MAP4K5: variants seen among roughly 807,000 people sequenced by gnomAD.
The protein encoded by MAP4K5 is mitogen-activated protein kinase kinase kinase kinase 5.
Under a neutral mutation model 135.6 loss-of-function variants are expected in MAP4K5, and 82 were observed. That is an observed-to-expected ratio of 0.60 (90% confidence interval 0.51 to 0.73). The LOEUF (loss-of-function observed/expected upper bound fraction) is 0.73, where lower values mean the gene tolerates loss of function less well. Among genes scored for constraint, MAP4K5 ranks in the 30% least tolerant of loss-of-function variants. The pLI is 0.00. For missense variants in MAP4K5, 907 were observed against 1,010.9 expected (o/e 0.90, Z 1.39); for synonymous variants, 347 against 335.0 (o/e 1.04, Z -0.39).
In MAP4K5 at chr14:50,526,052, T is replaced by G. The variant is rs371109540; in HGVS notation, c.108+5890A>C. Among the ~76,000 whole-genome samples the G allele has an allele frequency of 6.6e-5, 10 of 152,320 alleles. No individual in the cohort carries two copies. In the East Asian group the frequency reaches 7.7e-4, roughly 12 times the overall value. On this transcript the variant is annotated intron_variant, in intron 2 of 32. Coordinates refer to ENST00000682126, the MANE Select transcript of MAP4K5 (RefSeq NM_006575.6). ...ATCTCTCAAAACTCATCACGGCTTC[T>G]CAAGCCTCCAGGTGTTTGCACATAC...
rs1003686880 is a variant in MAP4K5 at position 50,418,559 on chromosome 14, A to T, written c.*1460T>A. 3 of 152,670 alleles carry T rather than the reference A, an allele frequency of 2.0e-5. No homozygotes were observed. The highest frequency in any genetic ancestry group is 2.9e-5 in the Non-Finnish European group (2 of 68,042). 9.5% of individuals were successfully genotyped at this position (152,670 alleles called of 1,614,324 possible). A position where few individuals can be genotyped will look rare whatever the true frequency, so the allele number is the denominator to read the frequency against. The stretch of plus-strand genomic sequence containing the variant: ...ACATTTTATTGTTTGCGTATTGCAT[A>T]GTGAAAAGAACAGAGTCAGAAGACT... On this transcript the variant is annotated 3_prime_UTR_variant, in exon 33 of 33. Coordinates refer to ENST00000682126, the MANE Select transcript of MAP4K5 (RefSeq NM_006575.6).
chr14:50,518,407 C>T (rs2038078154), intron 2 of MAP4K5, among the ~76,000 whole-genome samples: 1 of 152,182 alleles, frequency 6.6e-6, no homozygotes, highest in Non-Finnish European at 1.5e-5. Flanking sequence ...CCCCCACCAC[C>T]AACAAGCCCT....
chr14:50,508,700 G>T (rs1243428160), intron 2 of MAP4K5, among the ~76,000 whole-genome samples: 1 of 151,222 alleles, frequency 6.6e-6, no homozygotes, highest in Non-Finnish European at 1.5e-5. Context: ...ATGTACCCTA[G>T]AACTTAAAGT....
chr14:50,538,513 G>T (rs1487345371), intron 2 of MAP4K5, among the ~76,000 whole-genome samples: 1 of 152,170 alleles, frequency 6.6e-6, no homozygotes, highest in Non-Finnish European at 1.5e-5. Flanking sequence ...GCTAAGAAAA[G>T]ATAGCAGATT....
chr14:50,472,427 T>C (rs1185526604), intron 9 of MAP4K5: 3 of 152,118 alleles, frequency 2.0e-5, no homozygotes, highest in Non-Finnish European at 2.9e-5. Flanking sequence ...ATATGAGAAA[T>C]GTTGTAAAGT....
intron 11 of MAP4K5, 63 bp downstream of exon 11, chr14:50,466,520 G>C: frequency 1.3e-6 from 1 of 788,562 alleles, no homozygotes; most frequent in Non-Finnish European, 2.1e-6. Context: ...GCAAAATATG[G>C]GAACTGAATC....
At chr14:50,421,359 A>G (rs1332977342) in intron 32 of MAP4K5, among the ~76,000 whole-genome samples, 2 of 151,950 alleles carry the variant, frequency 1.3e-5, no homozygotes, top group Non-Finnish European at 2.9e-5. Context: ...CCTGGGTTCA[A>G]GTGATTCTCC....
intron 31 of MAP4K5, among the ~76,000 whole-genome samples, chr14:50,423,423 T>G (rs2035776735): frequency 6.6e-6 from 1 of 151,520 alleles, no homozygotes; most frequent in Non-Finnish European, 1.5e-5. Flanking sequence ...ATTATAATTC[T>G]CATATCATTG....
At chr14:50,449,088 A>G (rs2036425815) in intron 14 of MAP4K5, 1 of 371,294 alleles carries the variant, frequency 2.7e-6, no homozygotes, top group Non-Finnish European at 4.7e-6. Context: ...TTTTGTATAA[A>G]AGAGATTTTT....
At chr14:50,488,293 C>T (rs2037411788) in intron 3 of MAP4K5, among the ~76,000 whole-genome samples, 1 of 152,148 alleles carries the variant, frequency 6.6e-6, no homozygotes, top group African/African-American at 2.4e-5. Context: ...GAAACCACCT[C>T]CATGATCCAA....
intron 2 of MAP4K5, among the ~76,000 whole-genome samples, chr14:50,509,098 T>C (rs926795710): frequency 6.6e-5 from 10 of 152,086 alleles, no homozygotes; most frequent in Non-Finnish European, 1.3e-4. Context: ...CAGATGAAGC[T>C]GGAAACCATC....
intron 9 of MAP4K5, among the ~76,000 whole-genome samples, chr14:50,469,663 G>T (rs922324571): frequency 6.6e-6 from 1 of 152,164 alleles, no homozygotes; most frequent in African/African-American, 2.4e-5. Flanking sequence ...TAGATCTGAG[G>T]AGGAAATGCT....
At chr14:50,496,933 T>C (rs550137843) in intron 3 of MAP4K5, among the ~76,000 whole-genome samples, 1 of 152,308 alleles carries the variant, frequency 6.6e-6, no homozygotes, top group Non-Finnish European at 1.5e-5. Context: ...ATGTAAAAAT[T>C]AGATCTCTTA....
chr14:50,495,550 A>C (rs967479981), intron 3 of MAP4K5, among the ~76,000 whole-genome samples: 1 of 152,222 alleles, frequency 6.6e-6, no homozygotes, highest in African/African-American at 2.4e-5. Flanking sequence ...TGACCAATTC[A>C]TGCTTTTAGG....
intron 32 of MAP4K5, among the ~76,000 whole-genome samples, chr14:50,422,528 TTATTAGC>T (rs2035756478): frequency 6.6e-6 from 1 of 152,024 alleles, no homozygotes; most frequent in Non-Finnish European, 1.5e-5. Flanking sequence ...AATGGGTATT[TTATTAGC>T]TATAGAAGTA....
Position 50,435,361 on chromosome 14 carries a change from G to A in MAP4K5, c.1883-296C>T, listed in dbSNP as rs184312852. ...TTTTTTCCCTTCCTCACTCCCTCCC[G>A]TCCTCCTTCTTTCTTTTTAAAGAGA... On this transcript the variant is annotated intron_variant, in intron 26 of 32. Transcript: ENST00000682126. Among the ~76,000 whole-genome samples, 711 of 151,602 alleles carry A rather than the reference G, an allele frequency of 4.7e-3. 8 individuals carry two copies. Among genetic ancestry groups the A allele is most frequent in the African/African-American group, 0.016 (680 of 41,338 alleles).
chr14:50,554,188 AAC>A (rs1414230995), intron 1 of MAP4K5, among the ~76,000 whole-genome samples: 1 of 152,110 alleles, frequency 6.6e-6, no homozygotes, highest in Admixed American at 6.5e-5. Flanking sequence ...TGATGAAGAG[AAC>A]AGTGTCACAA....
chr14:50,545,265 C>T (rs141288282), intron 1 of MAP4K5, among the ~76,000 whole-genome samples: 1 of 152,356 alleles, frequency 6.6e-6, no homozygotes, highest in Non-Finnish European at 1.5e-5. Context: ...TCCTAATAAA[C>T]TCATCTACTT....
rs759011419 is a variant in MAP4K5, at chr14:50,468,704, T to C, written c.621A>G (p.Thr207=). The part of the protein sequence containing the change: ...QLCDIWAVGI[T]AIELGELQPP... The stretch of plus-strand genomic sequence containing the variant: ...GCTGAAGTTCTCCAAGTTCAATTGC[T>C]GTTATTCCTACTGCCCAGATATCAC... Residue 207 remains threonine, a synonymous_variant, in exon 10 of 33, where the codon ACA becomes ACG. Transcript: ENST00000682126. 3 of 1,613,414 alleles carry C rather than the reference T, an allele frequency of 1.9e-6. No individual in the cohort carries two copies. Among genetic ancestry groups the C allele is most frequent in the Non-Finnish European group, 2.5e-6 (3 of 1,179,558 alleles).
Sources: gnomAD v4.1 joint callset for allele counts (sites outside exome capture counted in the v4.1 genomes callset) on GRCh38, gnomAD v4.1.1 for gene constraint, MANE v1.5 for transcripts, NCBI Gene and HGNC (gene_info 2026-07-23, HGNC 2026-07-21) for gene names.